Variants in HTR1F observed in about 807,000 individuals in gnomAD.
HTR1F encodes 5-hydroxytryptamine receptor 1F.
HTR1F carries 17 observed loss-of-function variants against 24.0 expected under a neutral mutation model. The ratio of observed to expected loss-of-function variants is 0.71; its 90% CI spans 0.48 to 1.06. HTR1F has a LOEUF of 1.06. Among genes scored for constraint, HTR1F ranks in the 50% least tolerant of loss-of-function variants. The probability of loss-of-function intolerance (pLI) is 0.00; values close to 1 mark genes in which losing one functional copy is unlikely to be tolerated. For synonymous variants in HTR1F, 186 were observed against 156.8 expected (o/e 1.19, Z -1.39); for missense variants, 391 against 427.8 (o/e 0.91, Z 0.76).
chr3:87,918,979 TG>T, intron 2 of HTR1F, among the ~76,000 whole-genome samples: 1 of 152,220 alleles, frequency 6.6e-6, no homozygotes, highest in Middle Eastern at 3.4e-3. Flanking sequence ...TAAACTATAT[TG>T]TAAGGCTGTA....
At chr3:87,964,831 G>A (rs1365361070) in intron 2 of HTR1F, among the ~76,000 whole-genome samples, 4 of 152,096 alleles carry the variant, frequency 2.6e-5, no homozygotes, top group African/African-American at 9.7e-5. Context: ...CATCTTCACT[G>A]TAGCTCCCAT....
chr3:87,921,150 A>G (rs1576032386), intron 2 of HTR1F, among the ~76,000 whole-genome samples: 1 of 151,990 alleles, frequency 6.6e-6, no homozygotes, highest in East Asian at 1.9e-4. Flanking sequence ...GGGGTGAATC[A>G]TTAAAATTCA....
chr3:87,929,122 G>T (rs1390893317), intron 2 of HTR1F, among the ~76,000 whole-genome samples: 1 of 152,162 alleles, frequency 6.6e-6, no homozygotes, highest in African/African-American at 2.4e-5. Flanking sequence ...ATTAGCTATT[G>T]TCTGGAAACA....
chr3:87,933,396 A>G (rs1444026995), intron 2 of HTR1F, among the ~76,000 whole-genome samples: 1 of 152,152 alleles, frequency 6.6e-6, no homozygotes, highest in Non-Finnish European at 1.5e-5. Flanking sequence ...TTCAATTAGG[A>G]AAAGAGGAAG....
intron 2 of HTR1F, among the ~76,000 whole-genome samples, chr3:87,914,847 T>A (rs994941432): frequency 9.9e-5 from 15 of 152,074 alleles, no homozygotes; most frequent in African/African-American, 3.6e-4. Context: ...CCACAGCTGA[T>A]GCTCTCTGGA....
intron 1 of HTR1F, among the ~76,000 whole-genome samples, chr3:87,819,046 C>G (rs776794131): frequency 1.2e-4 from 18 of 152,182 alleles, no homozygotes; most frequent in Non-Finnish European, 2.5e-4. Flanking sequence ...TACAGAACAA[C>G]AGAGAAAGCT....
chr3:87,986,730 G>T (rs1488625059), intron 2 of HTR1F, among the ~76,000 whole-genome samples: 2 of 152,068 alleles, frequency 1.3e-5, no homozygotes, highest in Non-Finnish European at 2.9e-5. Flanking sequence ...TGTTTATCAG[G>T]CAAATTAAAA....
intron 2 of HTR1F, among the ~76,000 whole-genome samples, chr3:87,975,837 A>G (rs1341863609): frequency 1.3e-5 from 2 of 152,254 alleles, no homozygotes; most frequent in African/African-American, 4.8e-5. Context: ...GCAGAGCTCC[A>G]AATCATGGCC....
At chr3:87,801,542 G>A (rs944114833) in intron 1 of HTR1F, among the ~76,000 whole-genome samples, 6 of 152,144 alleles carry the variant, frequency 3.9e-5, no homozygotes, top group South Asian at 2.1e-4. Flanking sequence ...TAAGAAGTAC[G>A]TTGATCTGGT....
intron 2 of HTR1F, among the ~76,000 whole-genome samples, chr3:87,918,882 A>G (rs1703951420): frequency 1.3e-5 from 2 of 152,088 alleles, no homozygotes; most frequent in South Asian, 4.1e-4. Context: ...CAATTCTAAA[A>G]TTCATATGGA....
At chr3:87,865,764 AT>A (rs1250031401) in intron 2 of HTR1F, among the ~76,000 whole-genome samples, 1 of 152,062 alleles carries the variant, frequency 6.6e-6, no homozygotes. Flanking sequence ...CTTGGTGGAT[AT>A]TTTGATTGTT....
At chr3:87,815,787 T>G (rs1296335452) in intron 1 of HTR1F, among the ~76,000 whole-genome samples, 1 of 152,106 alleles carries the variant, frequency 6.6e-6, no homozygotes, top group African/African-American at 2.4e-5. Flanking sequence ...ATTCTTCATA[T>G]AGCATATGGT....
intron 2 of HTR1F, among the ~76,000 whole-genome samples, chr3:87,927,347 C>T (rs367633904): frequency 6.8e-4 from 99 of 146,396 alleles, no homozygotes; most frequent in African/African-American, 2.5e-3. Context: ...AATATTTATT[C>T]GTCTTAGTTT....
At chr3:87,838,508 G>T (rs760740114) in intron 2 of HTR1F, among the ~76,000 whole-genome samples, 105 of 151,580 alleles carry the variant, frequency 6.9e-4, no homozygotes, top group Non-Finnish European at 1.3e-3. Context: ...AAATTTTGAG[G>T]TTTTTTTTAT....
chr3:87,939,585 C>T (rs1174327311), intron 2 of HTR1F, among the ~76,000 whole-genome samples: 1 of 152,132 alleles, frequency 6.6e-6, no homozygotes, highest in Admixed American at 6.5e-5. Flanking sequence ...TCGACTTCTT[C>T]CTGCTTTGGT....
At chr3:87,831,768 C>T (rs1042498815) in intron 2 of HTR1F, among the ~76,000 whole-genome samples, 10 of 152,298 alleles carry the variant, frequency 6.6e-5, no homozygotes, top group African/African-American at 2.4e-4. Context: ...TATAAATATT[C>T]AGATCTTCAA....
rs1353186779 is a variant in HTR1F at position 87,816,480 on chromosome 3, T to A, written c.-159-5528T>A. ...CCTGATGTAAACATTCTTTACAATC[T>A]AGCCCCATGTGCTTTTCCAACTTTA... On this transcript the variant is annotated intron_variant, in intron 1 of 2. Coordinates refer to ENST00000319595, the MANE Select transcript of HTR1F (RefSeq NM_001322209.2). 2.0e-5 allele frequency among the ~76,000 whole-genome samples: 3 copies of A among 152,098 alleles called. No homozygotes were observed. In the East Asian group the frequency reaches 5.8e-4, roughly 29 times the overall value.
rs961917137 is a variant in HTR1F at position 87,873,608 on chromosome 3, G to A, written c.-43+51484G>A. On this transcript the variant is annotated intron_variant, in intron 2 of 2. Transcript: ENST00000319595. ...AGAAATAATGTTTTACCAACTATCT[G>A]GGCATCCTTTAGCACAGTCACATTG... is the stretch of plus-strand genomic sequence containing the variant. Among the ~76,000 whole-genome samples the A allele has an allele frequency of 5.3e-5, 8 of 152,184 alleles. 1 individual carries two copies. The highest frequency in any genetic ancestry group is 5.2e-4 in the Admixed American group (8 of 15,274).
chr3:87,940,184 C>A (rs1559641541), intron 2 of HTR1F, among the ~76,000 whole-genome samples: 1 of 152,144 alleles, frequency 6.6e-6, no homozygotes, highest in Non-Finnish European at 1.5e-5. Context: ...TTGAGAGAGT[C>A]TCTTAATTCT....
Sources: allele counts gnomAD v4.1 joint callset (sites outside exome capture counted in the v4.1 genomes callset), GRCh38; gene constraint gnomAD v4.1.1; transcripts MANE v1.5; gene names NCBI Gene and HGNC (gene_info 2026-07-23, HGNC 2026-07-21).